TMEM178B: variants seen among roughly 807,000 people sequenced by gnomAD.
The protein encoded by TMEM178B is transmembrane protein 178B.
In TMEM178B, 5 loss-of-function variants were observed where a neutral mutation model predicts 31.0. The observed-to-expected ratio is 0.16, with a 90% CI of 0.08 to 0.34. TMEM178B has a LOEUF of 0.34. TMEM178B is among the 10% of genes least tolerant of loss of function. The pLI is 1.00. For missense variants in TMEM178B, 275 were observed against 400.3 expected, an observed-to-expected ratio of 0.69 and a Z score of 2.67; for synonymous variants, 164 against 164.0, an observed-to-expected ratio of 1.00 and a Z score of 0.00.
At chr7:141,437,546 G>T in intron 2 of TMEM178B, 62 bp from the exon 3 acceptor site, 2 of 1,526,324 alleles carry the variant, frequency 1.3e-6, no homozygotes, top group Non-Finnish European at 1.8e-6. Flanking sequence ...CAGGGCTGGG[G>T]TATACCCTGG....
At chr7:141,253,379 TGCAGCTTCA>T (rs1028034449) in intron 2 of TMEM178B, among the ~76,000 whole-genome samples, 1 of 152,180 alleles carries the variant, frequency 6.6e-6, no homozygotes, top group Non-Finnish European at 1.5e-5. Flanking sequence ...TCTGCAAATG[TGCAGCTTCA>T]GCAGCTCCAT....
intron 2 of TMEM178B, among the ~76,000 whole-genome samples, chr7:141,254,979 C>T (rs1054713368): frequency 3.3e-5 from 5 of 152,144 alleles, no homozygotes; most frequent in African/African-American, 1.2e-4. Context: ...TTGAGTGTTT[C>T]GAATCACTGG....
chr7:141,361,620 G>A (rs1414451574), intron 2 of TMEM178B, among the ~76,000 whole-genome samples: 2 of 152,216 alleles, frequency 1.3e-5, no homozygotes, highest in African/African-American at 4.8e-5. Flanking sequence ...CAATATTTCT[G>A]CATGACACAG....
intron 2 of TMEM178B, among the ~76,000 whole-genome samples, chr7:141,302,714 C>A (rs895551916): frequency 9.2e-5 from 14 of 152,146 alleles, no homozygotes; most frequent in Non-Finnish European, 1.8e-4. Context: ...AAGGTGCCAA[C>A]AAAACTTATC....
intron 3 of TMEM178B, among the ~76,000 whole-genome samples, chr7:141,450,141 A>T (rs942828902): frequency 3.1e-4 from 47 of 152,200 alleles, no homozygotes; most frequent in Admixed American, 3.1e-3. Flanking sequence ...CTATGATCAG[A>T]TCATTTCTCA....
At chr7:141,286,818 A>G (rs1046492114) in intron 2 of TMEM178B, among the ~76,000 whole-genome samples, 1 of 152,214 alleles carries the variant, frequency 6.6e-6, no homozygotes, top group Non-Finnish European at 1.5e-5. Context: ...TAAAATAATC[A>G]GGCCAACGTT....
chr7:141,248,553 A>C (rs968995319), intron 2 of TMEM178B, among the ~76,000 whole-genome samples: 1 of 152,220 alleles, frequency 6.6e-6, no homozygotes, highest in Admixed American at 6.5e-5. Context: ...CCTGGGCTAC[A>C]TGATATAGCC....
chr7:141,208,761 G>C lies in TMEM178B; in HGVS notation c.383-3830G>C, dbSNP rs563936264. On this transcript the variant is annotated intron_variant, in intron 1 of 3. Transcript: ENST00000565468. ...CGGTTGGAGGAGGTTAAAGGAGCTGGCTCCAGCCTGCCTGGAACCAGTGGC... is the reference window on the plus strand; with the variant it reads ...CGGTTGGAGGAGGTTAAAGGAGCTGCCTCCAGCCTGCCTGGAACCAGTGGC... Among the ~76,000 whole-genome samples, 21 of 152,310 alleles carry C rather than the reference G, an allele frequency of 1.4e-4. No homozygotes were observed. The South Asian group carries it at 3.1e-3, about 23-fold the overall frequency.
intron 3 of TMEM178B, among the ~76,000 whole-genome samples, chr7:141,439,458 G>A (rs1046684221): frequency 8.6e-5 from 13 of 152,028 alleles, no homozygotes; most frequent in African/African-American, 2.9e-4. Flanking sequence ...CCTGCTCTGT[G>A]CCTCAGCATA....
chr7:141,367,888 A>C (rs1800038838), intron 2 of TMEM178B, among the ~76,000 whole-genome samples: 1 of 152,114 alleles, frequency 6.6e-6, no homozygotes, highest in Non-Finnish European at 1.5e-5. Flanking sequence ...AGACCTTTAG[A>C]GCAGGTCGAC....
intron 2 of TMEM178B, among the ~76,000 whole-genome samples, chr7:141,307,082 C>T (rs1446354386): frequency 6.6e-6 from 1 of 152,072 alleles, no homozygotes; most frequent in Non-Finnish European, 1.5e-5. Context: ...CCCTTCACAC[C>T]ATGTTGAGCA....
In TMEM178B at chr7:141,478,413, G is replaced by A. The variant is rs1036576332; in HGVS notation, c.*7627G>A. 2 of 152,194 alleles carry A rather than the reference G, an allele frequency of 1.3e-5. No individual in the cohort carries two copies. Among genetic ancestry groups the A allele is most frequent in the Non-Finnish European group, 2.9e-5 (2 of 68,050 alleles). The allele number at this position is 152,194 out of a possible 1,614,324, so 9.4% of individuals were successfully genotyped here. On this transcript the variant is annotated 3_prime_UTR_variant, in exon 4 of 4. Coordinates refer to ENST00000565468, the MANE Select transcript of TMEM178B (RefSeq NM_001195278.2). ...GCCAGTGACCCAACCCATGATTAGA[G>A]GCACCTTCAATCCCAACTTTCCTCT...
chr7:141,449,500 T>A (rs1413467948), intron 3 of TMEM178B, among the ~76,000 whole-genome samples: 1 of 152,138 alleles, frequency 6.6e-6, no homozygotes, highest in African/African-American at 2.4e-5. Context: ...ATGGCTGAGA[T>A]GTACTACAGG....
chr7:141,278,530 C>T (rs553030724), intron 2 of TMEM178B, among the ~76,000 whole-genome samples: 1 of 92,684 alleles, frequency 1.1e-5, no homozygotes, highest in South Asian at 5.6e-4. Flanking sequence ...TTGTAGCGAG[C>T]CAAGATTGTG....
At chr7:141,252,659 A>G (rs1247032202) in intron 2 of TMEM178B, among the ~76,000 whole-genome samples, 1 of 152,220 alleles carries the variant, frequency 6.6e-6, no homozygotes. Flanking sequence ...ATGTGTTATT[A>G]CTAATTCTAC....
At chr7:141,445,290 C>T (rs536907278) in intron 3 of TMEM178B, among the ~76,000 whole-genome samples, 22 of 152,334 alleles carry the variant, frequency 1.4e-4, no homozygotes, top group African/African-American at 4.3e-4. Context: ...CAAAGACCTT[C>T]ATGGAGGCCT....
chr7:141,442,762 T>C (rs143599603), intron 3 of TMEM178B, among the ~76,000 whole-genome samples: 3 of 152,372 alleles, frequency 2.0e-5, no homozygotes, highest in African/African-American at 4.8e-5. Flanking sequence ...CTCTACACTT[T>C]ACTTAATTTT....
At chr7:141,223,854 G>A (rs546549943) in intron 2 of TMEM178B, among the ~76,000 whole-genome samples, 2 of 152,258 alleles carry the variant, frequency 1.3e-5, no homozygotes, top group East Asian at 3.9e-4. Context: ...GCCACAAGTG[G>A]CTACTGAACC....
At chr7:141,377,300 C>T (rs1256592902) in intron 2 of TMEM178B, among the ~76,000 whole-genome samples, 5 of 151,880 alleles carry the variant, frequency 3.3e-5, no homozygotes, top group Non-Finnish European at 5.9e-5. Context: ...TCTTCTGTCT[C>T]AGCCTCCCTA....
Sources: allele counts gnomAD v4.1 joint callset (sites outside exome capture counted in the v4.1 genomes callset), GRCh38; gene constraint gnomAD v4.1.1; transcripts MANE v1.5; gene names NCBI Gene and HGNC (gene_info 2026-07-23, HGNC 2026-07-21).